PTPRG: variants seen among roughly 807,000 people sequenced by gnomAD.
PTPRG encodes protein tyrosine phosphatase receptor type G, also known as receptor-type tyrosine-protein phosphatase gamma.
A neutral mutation model predicts 165.3 loss-of-function variants in PTPRG; 102 were observed. The observed-to-expected ratio is 0.62, with a 90% confidence interval of 0.53 to 0.73. The LOEUF (loss-of-function observed/expected upper bound fraction) is 0.73, where lower values mean the gene tolerates loss of function less well. PTPRG is among the 30% of genes least tolerant of loss of function. PTPRG has a pLI of 0.00. For missense variants in PTPRG, 1,866 were observed against 1,861.4 expected (o/e 1.00, Z -0.05); for synonymous variants, 675 against 669.5 (o/e 1.01, Z -0.13).
chr3:62,120,814 T>A (rs1703039313), intron 5 of PTPRG, among the ~76,000 whole-genome samples: 1 of 151,914 alleles, frequency 6.6e-6, no homozygotes, highest in African/African-American at 2.4e-5. Context: ...TGTGATTGAC[T>A]GAATTTAGTT....
At chr3:61,654,022 G>A (rs1396973287) in intron 1 of PTPRG, among the ~76,000 whole-genome samples, 5 of 152,182 alleles carry the variant, frequency 3.3e-5, no homozygotes, top group Admixed American at 1.3e-4. Context: ...ACATCTGAGA[G>A]GCATAGAGGG....
At chr3:61,577,768 C>T (rs1429055256) in intron 1 of PTPRG, among the ~76,000 whole-genome samples, 1 of 152,134 alleles carries the variant, frequency 6.6e-6, no homozygotes, top group Non-Finnish European at 1.5e-5. Context: ...GCTGTAATCC[C>T]CTGTGTGACA....
At chr3:62,008,625 G>A (rs560565097) in intron 4 of PTPRG, among the ~76,000 whole-genome samples, 3 of 152,296 alleles carry the variant, frequency 2.0e-5, no homozygotes, top group African/African-American at 7.2e-5. Flanking sequence ...TAGCCCAGCG[G>A]TCCCCAACCT....
intron 2 of PTPRG, among the ~76,000 whole-genome samples, chr3:61,843,016 T>G (rs2036685355): frequency 6.6e-6 from 1 of 152,238 alleles, no homozygotes; most frequent in African/African-American, 2.4e-5. Flanking sequence ...ATGAAATGTC[T>G]GGTATCTCTC....
intron 1 of PTPRG, among the ~76,000 whole-genome samples, chr3:61,746,674 A>C (rs568321083): frequency 6.6e-6 from 1 of 152,142 alleles, no homozygotes; most frequent in Non-Finnish European, 1.5e-5. Flanking sequence ...TGAATGCATC[A>C]CTGGGGCCAC....
chr3:61,897,130 C>G (rs966775226), intron 2 of PTPRG, among the ~76,000 whole-genome samples: 2 of 152,014 alleles, frequency 1.3e-5, no homozygotes, highest in African/African-American at 4.8e-5. Flanking sequence ...AGATCATGCT[C>G]TTAGTGTTCA....
At chr3:62,032,455 C>T (rs1301327193) in intron 4 of PTPRG, among the ~76,000 whole-genome samples, 1 of 152,160 alleles carries the variant, frequency 6.6e-6, no homozygotes, top group Non-Finnish European at 1.5e-5. Flanking sequence ...TCTGGAGTTT[C>T]CAGTGGCTAA....
chr3:62,252,772 C>T lies in PTPRG; in HGVS notation c.2468-2352C>T, dbSNP rs1211274010. On this transcript the variant is annotated intron_variant, in intron 15 of 29. Transcript: ENST00000474889. This position sits in a 1 kb window ranked among gnomAD's most constrained non-coding sequence, Gnocchi z 4.6. The stretch of plus-strand genomic sequence containing the variant: ...TATAAAGAAAAGAGATTTATGACTC[C>T]TCAGCTATTTATCTTGATTGCAGGG... Among the ~76,000 whole-genome samples the T allele has an allele frequency of 6.6e-6, 1 of 152,160 alleles. No homozygotes were observed. Among genetic ancestry groups the T allele is most frequent in the Non-Finnish European group, 1.5e-5 (1 of 68,028 alleles).
intron 12 of PTPRG, 78 bp from the exon 13 acceptor site, chr3:62,218,773 G>A: frequency 6.7e-7 from 1 of 1,500,984 alleles, no homozygotes. Context: ...ACACAAAACT[G>A]GAACAGAACT....
chr3:61,693,369 A>G (rs984420270), intron 1 of PTPRG, among the ~76,000 whole-genome samples: 2 of 152,152 alleles, frequency 1.3e-5, no homozygotes, highest in African/African-American at 4.8e-5. Context: ...ACTTGGCACG[A>G]TATTCCTTTT....
intron 2 of PTPRG, among the ~76,000 whole-genome samples, chr3:61,876,190 C>T (rs1345207970): frequency 1.3e-5 from 2 of 152,100 alleles, no homozygotes; most frequent in Non-Finnish European, 2.9e-5. Context: ...CATCATACAC[C>T]TTCAGATTGA....
rs1702056709 is a variant in PTPRG, at chr3:62,271,391, G to A, written c.3018G>A (p.Lys1006=). Residue 1006 remains lysine, a synonymous_variant, in exon 21 of 30, where the codon AAG becomes AAA. Coordinates refer to ENST00000474889, the MANE Select transcript of PTPRG (RefSeq NM_002841.4). This position sits in a 1 kb window ranked among gnomAD's most constrained non-coding sequence, Gnocchi z 4.1. ...IRNTKVKKGQ[K]GNPKGRQNER... Reference sequence around the variant, plus strand: ...TTTCACTTTTCTCACAGGGTCAGAAGGGAAATCCCAAGGGTCGTCAGAATG... The same window carrying A: ...TTTCACTTTTCTCACAGGGTCAGAAAGGAAATCCCAAGGGTCGTCAGAATG... The A allele has an allele frequency of 4.4e-6, 7 of 1,601,562 alleles. No homozygotes were observed. Among genetic ancestry groups the A allele is most frequent in the Non-Finnish European group, 6.0e-6 (7 of 1,175,356 alleles).
rs543696511 is a variant in PTPRG at position 62,103,191 on chromosome 3, C to T, written c.615+24933C>T. 5.3e-5 allele frequency among the ~76,000 whole-genome samples: 8 copies of T among 150,106 alleles called. No individual in the cohort carries two copies. The South Asian group carries it at 1.7e-3, about 32-fold the overall frequency. ...GTTTCCAGCTATTGGAACATTCAAC[C>T]TCAAGACTGTGATCTTTCTGTGGCA... On this transcript the variant is annotated intron_variant, in intron 5 of 29. Transcript: ENST00000474889.
chr3:62,215,956 G>A (rs1231207592), intron 12 of PTPRG, among the ~76,000 whole-genome samples: 1 of 152,168 alleles, frequency 6.6e-6, no homozygotes, highest in Non-Finnish European at 1.5e-5. Context: ...GGTGGCTCAC[G>A]CCTGTAATCC....
intron 27 of PTPRG, 54 bp downstream of exon 27, chr3:62,281,763 A>G: frequency 6.8e-7 from 1 of 1,472,342 alleles, no homozygotes; most frequent in Non-Finnish European, 9.1e-7. Flanking sequence ...CTGGATCATC[A>G]TTCTAAGTAA....
chr3:62,112,993 A>G (rs1702725500), intron 5 of PTPRG, among the ~76,000 whole-genome samples: 1 of 152,192 alleles, frequency 6.6e-6, no homozygotes. Flanking sequence ...TGTTGATTAT[A>G]GAGAATCATA....
intron 2 of PTPRG, among the ~76,000 whole-genome samples, chr3:61,777,394 C>T (rs599529): frequency 0.7 from 105,816 of 152,128 alleles, 37,663 homozygotes; most frequent in Non-Finnish European, 0.78. Context: ...GAGAAATAAG[C>T]TTTCAATCTT....
chr3:62,143,331 A>C (rs1478018813), intron 6 of PTPRG, among the ~76,000 whole-genome samples: 1 of 152,204 alleles, frequency 6.6e-6, no homozygotes, highest in Non-Finnish European at 1.5e-5. Flanking sequence ...ACTTTTGGGA[A>C]AAATGAATCC....
chr3:62,108,844 T>C (rs950295767), intron 5 of PTPRG, among the ~76,000 whole-genome samples: 4 of 152,252 alleles, frequency 2.6e-5, no homozygotes, highest in Non-Finnish European at 4.4e-5. Flanking sequence ...AAATGTCTTT[T>C]GAGAAGTGTC....
Sources: allele counts gnomAD v4.1 joint callset (sites outside exome capture counted in the v4.1 genomes callset), GRCh38; gene constraint gnomAD v4.1.1; non-coding constraint Gnocchi (gnomAD v3.1); transcripts MANE v1.5; gene names NCBI Gene and HGNC (gene_info 2026-07-23, HGNC 2026-07-21).